BTAF1: variants seen among roughly 807,000 people sequenced by gnomAD.
BTAF1 encodes B-TFIID TATA-box binding protein associated factor 1.
A neutral mutation model predicts 227.1 loss-of-function variants in BTAF1; 38 were observed. The ratio of observed to expected loss-of-function variants is 0.17; its 90% CI spans 0.13 to 0.22. The LOEUF (loss-of-function observed/expected upper bound fraction) is 0.22. Ranked by LOEUF, BTAF1 falls within the 10% of genes least tolerant of loss-of-function variation. The pLI, the probability that BTAF1 is intolerant of heterozygous loss-of-function variation, is 1.00. For missense variants in BTAF1, 1,598 were observed against 2,204.0 expected (o/e 0.73, Z 5.51); for synonymous variants, 742 against 751.9 (o/e 0.99, Z 0.21).
At chr10:92,027,329 T>G (rs751442492) in intron 37 of BTAF1, 29 bp downstream of exon 37, 1 of 1,568,104 alleles carries the variant, frequency 6.4e-7, no homozygotes, top group Non-Finnish European at 8.6e-7. Context: ...TTGTTGTATC[T>G]TTGAGTCACA....
intron 1 of BTAF1, 74 bp downstream of exon 1, chr10:91,924,164 C>T: frequency 1.9e-6 from 3 of 1,563,062 alleles, no homozygotes; most frequent in Non-Finnish European, 2.6e-6. Context: ...AGCCCCCACT[C>T]CTAGAGAAGA....
chr10:92,012,098 C>CT (rs1850346727), intron 30 of BTAF1, among the ~76,000 whole-genome samples: 2 of 94,208 alleles, frequency 2.1e-5, no homozygotes, highest in Non-Finnish European at 4.3e-5. Flanking sequence ...TCCCTCCCCT[C>CT]CCCCTCCCTC....
intron 9 of BTAF1, 29 bp from the exon 10 acceptor site, chr10:91,959,749 TATATATA>T: frequency 5.8e-6 from 1 of 171,372 alleles, no homozygotes; most frequent in Non-Finnish European, 8.6e-6. Context: ...TGTATATATA[TATATATA>T]TATATATATA....
chr10:92,026,607 A>G lies in BTAF1; in HGVS notation c.5091A>G (p.Pro1697=). Residue 1697 remains proline, a synonymous_variant, in exon 36 of 38, where the codon CCA becomes CCG. Transcript: ENST00000265990. ...CTACTTTTAGGTTTAATAATGATCCATCTATAGACGTTCTGTTACTTACCA... is the reference window on the plus strand; with the variant it reads ...CTACTTTTAGGTTTAATAATGATCCGTCTATAGACGTTCTGTTACTTACCA... ...HSIVSRFNND[P]SIDVLLLTTH... is the part of the protein sequence containing the mutation. 6.2e-7 allele frequency: 1 copy of G among 1,613,320 alleles called. No homozygotes were observed. Among genetic ancestry groups the G allele is most frequent in the Non-Finnish European group, 8.5e-7 (1 of 1,179,486 alleles).
intron 4 of BTAF1, among the ~76,000 whole-genome samples, chr10:91,945,957 T>TAATTGCCATCTG (rs1221937673): frequency 1.3e-5 from 2 of 152,234 alleles, no homozygotes; most frequent in Non-Finnish European, 2.9e-5. Flanking sequence ...TTATTTTCTG[T>TAATTGCCATCTG]TTTTTGATAG....
chr10:91,976,569 A>G (rs1239019625), intron 14 of BTAF1, among the ~76,000 whole-genome samples: 2 of 152,144 alleles, frequency 1.3e-5, no homozygotes, highest in African/African-American at 4.8e-5. Flanking sequence ...AATAATCCCT[A>G]TCACTCAGGA....
intron 6 of BTAF1, among the ~76,000 whole-genome samples, chr10:91,954,654 C>T (rs1463970138): frequency 6.6e-6 from 1 of 152,030 alleles, no homozygotes; most frequent in African/African-American, 2.4e-5. Context: ...AACTCCCAGG[C>T]TCAAGCAATC....
chr10:91,988,464 G>T (rs1309975576), intron 19 of BTAF1, among the ~76,000 whole-genome samples: 1 of 152,142 alleles, frequency 6.6e-6, no homozygotes, highest in Admixed American at 6.5e-5. Flanking sequence ...AATTATATCT[G>T]AATAAAGTTG....
intron 14 of BTAF1, among the ~76,000 whole-genome samples, chr10:91,971,356 A>G (rs770818783): frequency 1.2e-4 from 18 of 152,044 alleles, no homozygotes; most frequent in Non-Finnish European, 1.9e-4. Context: ...GACTATGGCT[A>G]TGGCACTAAT....
At chr10:91,938,005 C>T (rs1844749685) in intron 2 of BTAF1, among the ~76,000 whole-genome samples, 1 of 152,176 alleles carries the variant, frequency 6.6e-6, no homozygotes, top group Non-Finnish European at 1.5e-5. Flanking sequence ...TCCCTGATGA[C>T]TAATGATATC....
rs914316457 is a variant in BTAF1 at position 92,031,130 on chromosome 10, T to G, written c.*2197T>G. ...ATTGTACTACTTCCCTTGGTTTTTG[T>G]GTCTTTATGATAGGAAATAGCAAAC... On this transcript the variant is annotated 3_prime_UTR_variant, in exon 38 of 38. Transcript: ENST00000265990. Among the ~76,000 whole-genome samples, 2 of 152,198 alleles carry G rather than the reference T, an allele frequency of 1.3e-5. No homozygotes were observed. The highest frequency in any genetic ancestry group is 4.1e-4 in the South Asian group (2 of 4,822).
rs60208547 is a variant in BTAF1, at chr10:91,928,760, T to TCCCCCCCC, written c.14+4676_14+4683dup. 8.3e-4 allele frequency among the ~76,000 whole-genome samples: 93 copies of TCCCCCCCC among 111,830 alleles called. 2 individuals carry two copies. The highest frequency in any genetic ancestry group is 4.2e-3 in the Middle Eastern group (1 of 238). 73.4% of individuals were successfully genotyped at this position (111,830 alleles called of 152,430 possible). ...GCCTGGGCAACAGAGCAAGAATCCA[T>TCCCCCCCC]CCCCCCCCCCCCCGCCCCCCAAAAA... is the stretch of plus-strand genomic sequence containing the variant. On this transcript the variant is annotated intron_variant, in intron 1 of 37. Coordinates refer to ENST00000265990, the MANE Select transcript of BTAF1 (RefSeq NM_003972.3).
At chr10:91,991,279 T>TATATATATAA (rs1554860282) in intron 20 of BTAF1, among the ~76,000 whole-genome samples, 1 of 98,426 alleles carries the variant, frequency 1.0e-5, no homozygotes. Flanking sequence ...TAAATATATA[T>TATATATATAA]ATATATATAT....
chr10:92,010,146 G>C (rs1850198462), intron 28 of BTAF1, among the ~76,000 whole-genome samples: 2 of 152,218 alleles, frequency 1.3e-5, no homozygotes, highest in Non-Finnish European at 2.9e-5. Flanking sequence ...GTCACTTTAT[G>C]AGGTAGGAAT....
intron 4 of BTAF1, among the ~76,000 whole-genome samples, chr10:91,943,112 G>A (rs1845124924): frequency 6.6e-6 from 1 of 152,066 alleles, no homozygotes; most frequent in Non-Finnish European, 1.5e-5. Flanking sequence ...TCAGGAGTTC[G>A]AGAGCAGCCT....
chr10:91,985,940 A>G (rs908751997), intron 19 of BTAF1, among the ~76,000 whole-genome samples: 2 of 150,850 alleles, frequency 1.3e-5, no homozygotes, highest in Admixed American at 6.6e-5. Flanking sequence ...CTGTCTTTGG[A>G]TGAGCAGATA....
At chr10:91,929,565 A>G (rs1197398387) in intron 1 of BTAF1, among the ~76,000 whole-genome samples, 2 of 152,204 alleles carry the variant, frequency 1.3e-5, no homozygotes, top group African/African-American at 4.8e-5. Context: ...CATTGTTTCA[A>G]CAGGCCTATT....
rs1843636725 is a variant in BTAF1 at position 91,923,777 on chromosome 10, CGT to C, written c.-298_-297del. ...TCCGGCGCGCTGACGCTCAGTTGTG[CGT>C]GCCGACGCCCGCGTCAGCAAAGAGC... On this transcript the variant is annotated 5_prime_UTR_variant, in exon 1 of 38. Coordinates refer to ENST00000265990, the MANE Select transcript of BTAF1 (RefSeq NM_003972.3). 2.6e-6 allele frequency: 1 copy of C among 386,396 alleles called. No individual in the cohort carries two copies. Among genetic ancestry groups the C allele is most frequent in the Non-Finnish European group, 4.6e-6 (1 of 216,378 alleles). 23.9% of individuals were successfully genotyped at this position (386,396 alleles called of 1,614,324 possible). A position where few individuals can be genotyped will look rare whatever the true frequency, so the allele number is the denominator to read the frequency against.
At chr10:92,018,702 T>C (rs1850909894) in intron 33 of BTAF1, 81 bp from the exon 34 acceptor site, 9 of 1,251,256 alleles carry the variant, frequency 7.2e-6, no homozygotes, top group Non-Finnish European at 9.7e-6. Flanking sequence ...GCATAGGAAA[T>C]AGCATAGGGA....
Sources: gnomAD v4.1 joint callset for allele counts (sites outside exome capture counted in the v4.1 genomes callset) on GRCh38, gnomAD v4.1.1 for gene constraint, MANE v1.5 for transcripts, NCBI Gene and HGNC (gene_info 2026-07-23, HGNC 2026-07-21) for gene names.